The following RBMS3 variants were observed in gnomAD, a reference collection of about 807,000 sequenced individuals.
RBMS3 encodes RNA-binding motif, single-stranded-interacting protein 3.
In RBMS3, 27 loss-of-function variants were observed where a neutral mutation model predicts 66.8. That is an observed-to-expected ratio of 0.40 (90% confidence interval 0.30 to 0.56). The LOEUF (loss-of-function observed/expected upper bound fraction) is 0.56. Among genes scored for constraint, RBMS3 ranks in the 20% least tolerant of loss-of-function variants. The pLI is 0.40. For missense variants in RBMS3, 513 were observed against 549.5 expected (o/e 0.93, Z 0.66); for synonymous variants, 188 against 183.0 (o/e 1.03, Z -0.22).
At chr3:29,782,103 C>A (rs991511016) in intron 6 of RBMS3, among the ~76,000 whole-genome samples, 4 of 152,064 alleles carry the variant, frequency 2.6e-5, no homozygotes, top group Admixed American at 2.0e-4. Context: ...CTCTATGGCC[C>A]TGCACACTGC....
At chr3:29,920,503 A>T (rs1559800864) in intron 10 of RBMS3, among the ~76,000 whole-genome samples, 1 of 152,210 alleles carries the variant, frequency 6.6e-6, no homozygotes, top group East Asian at 1.9e-4. Flanking sequence ...CCAAAAAACA[A>T]TGTCCTAAAT....
intron 2 of RBMS3, 163 bp downstream of exon 2, chr3:29,435,078 G>T (rs1290857693): frequency 1.3e-6 from 1 of 783,798 alleles, no homozygotes; most frequent in Non-Finnish European, 2.0e-6. Flanking sequence ...AGTTTATTTT[G>T]GGGAGTGGAA....
At chr3:29,315,617 G>T (rs1042364350) in intron 1 of RBMS3, among the ~76,000 whole-genome samples, 4 of 151,632 alleles carry the variant, frequency 2.6e-5, no homozygotes, top group African/African-American at 9.7e-5. Context: ...CTACATAATT[G>T]TTTTATCAAC....
At chr3:29,473,000 G>T (rs35190947) in intron 2 of RBMS3, among the ~76,000 whole-genome samples, 1 of 80,794 alleles carries the variant, frequency 1.2e-5, no homozygotes, top group Non-Finnish European at 2.5e-5. Context: ...TAGACACAAA[G>T]GTTCTCCACG....
At chr3:29,970,963 T>G (rs1577283490) in intron 12 of RBMS3, among the ~76,000 whole-genome samples, 1 of 152,262 alleles carries the variant, frequency 6.6e-6, no homozygotes, top group East Asian at 1.9e-4. Flanking sequence ...GGCTCCTCTC[T>G]CCTCCGTCTT....
At chr3:29,899,782 A>C in intron 10 of RBMS3, 27 bp downstream of exon 10, 1 of 1,600,642 alleles carries the variant, frequency 6.2e-7, no homozygotes, top group Non-Finnish European at 8.5e-7. Flanking sequence ...ACCTGAGGCT[A>C]ATATTTCTAT....
At chr3:29,833,610 A>G (rs954295505) in intron 6 of RBMS3, among the ~76,000 whole-genome samples, 1 of 152,178 alleles carries the variant, frequency 6.6e-6, no homozygotes, top group Non-Finnish European at 1.5e-5. Context: ...TTGAAGATAT[A>G]TCATTTGAAA....
intron 6 of RBMS3, among the ~76,000 whole-genome samples, chr3:29,822,185 ACT>A (rs1169304520): frequency 2.0e-5 from 3 of 151,992 alleles, no homozygotes; most frequent in Non-Finnish European, 4.4e-5. Context: ...CCTTCAGAAC[ACT>A]CTGTGTCATT....
chr3:29,454,566 G>A (rs898829885), intron 2 of RBMS3, among the ~76,000 whole-genome samples: 5 of 152,144 alleles, frequency 3.3e-5, no homozygotes, highest in African/African-American at 9.7e-5. Context: ...CCAACAGGAC[G>A]CTTTCTATGA....
At position 29,742,282 on chromosome 3, in the gene RBMS3, CCT is replaced by C. The variant is rs371412872; in HGVS notation, c.557+2415_557+2416del. Among the ~76,000 whole-genome samples, 147 of 152,036 alleles carry C rather than the reference CCT, an allele frequency of 9.7e-4. 1 individual carries two copies. The highest frequency in any genetic ancestry group is 3.4e-3 in the African/African-American group (139 of 41,486). On this transcript the variant is annotated intron_variant, in intron 5 of 14. Transcript: ENST00000383767. ...CATTTTAGCTCTATTCTGAATGCAG[CCT>C]CTCTCTCTCCTCTGTTGCATTTTGC...
intron 5 of RBMS3, among the ~76,000 whole-genome samples, chr3:29,762,003 C>G (rs1576728027): frequency 6.6e-6 from 1 of 152,072 alleles, no homozygotes; most frequent in Non-Finnish European, 1.5e-5. Context: ...ATAAAAAAGG[C>G]CAGATATTAT....
At chr3:29,383,504 G>GT (rs2038865131) in intron 1 of RBMS3, among the ~76,000 whole-genome samples, 1 of 152,076 alleles carries the variant, frequency 6.6e-6, no homozygotes, top group African/African-American at 2.4e-5. Flanking sequence ...GCCAAGAAGG[G>GT]TAAAAAAAAT....
intron 12 of RBMS3, among the ~76,000 whole-genome samples, chr3:29,970,564 T>C (rs939701801): frequency 2.6e-5 from 4 of 152,190 alleles, no homozygotes; most frequent in African/African-American, 9.7e-5. Context: ...TTATATCCAA[T>C]TTATTTTCTT....
chr3:29,782,308 G>T (rs1418996332), intron 6 of RBMS3, among the ~76,000 whole-genome samples: 2 of 152,162 alleles, frequency 1.3e-5, no homozygotes, highest in Non-Finnish European at 2.9e-5. Context: ...ACCAAAGCAG[G>T]TGCTGGTATC....
chr3:29,513,172 A>G (rs2044481071), intron 3 of RBMS3, among the ~76,000 whole-genome samples: 1 of 152,162 alleles, frequency 6.6e-6, no homozygotes, highest in Non-Finnish European at 1.5e-5. Flanking sequence ...AGCAGTCTGA[A>G]CCTTAGAAAG....
intron 6 of RBMS3, among the ~76,000 whole-genome samples, chr3:29,836,023 G>T (rs2058498762): frequency 6.6e-6 from 1 of 151,728 alleles, no homozygotes; most frequent in African/African-American, 2.4e-5. Context: ...GCCTAGAATA[G>T]AAAAATTCCT....
At chr3:29,346,756 A>T (rs2036603067) in intron 1 of RBMS3, among the ~76,000 whole-genome samples, 1 of 152,178 alleles carries the variant, frequency 6.6e-6, no homozygotes, top group Non-Finnish European at 1.5e-5. Context: ...TTTAGAGATT[A>T]TTAATGAGCA....
chr3:29,928,687 C>G (rs936739119), intron 10 of RBMS3, among the ~76,000 whole-genome samples: 3 of 152,136 alleles, frequency 2.0e-5, no homozygotes, highest in Non-Finnish European at 4.4e-5. Flanking sequence ...AAATTCTTAT[C>G]AAATACCACA....
At chr3:29,922,957 TCAAA>T (rs2060832795) in intron 10 of RBMS3, among the ~76,000 whole-genome samples, 1 of 152,206 alleles carries the variant, frequency 6.6e-6, no homozygotes, top group African/African-American at 2.4e-5. Context: ...TGATGCATAC[TCAAA>T]CTAATTGAAG....
Sources: gnomAD v4.1 joint callset for allele counts (sites outside exome capture counted in the v4.1 genomes callset) on GRCh38, gnomAD v4.1.1 for gene constraint, MANE v1.5 for transcripts, NCBI Gene and HGNC (gene_info 2026-07-23, HGNC 2026-07-21) for gene names.